The following CAMK2B variants were observed in gnomAD, a reference collection of about 807,000 sequenced individuals.
The protein encoded by CAMK2B is calcium/calmodulin dependent protein kinase II beta.
CAMK2B carries 27 observed loss-of-function variants against 93.7 expected under a neutral mutation model. The ratio of observed to expected loss-of-function variants is 0.29; its 90% CI spans 0.21 to 0.40. CAMK2B has a LOEUF of 0.40. Among genes scored for constraint, CAMK2B ranks in the 10% least tolerant of loss-of-function variants. The probability of loss-of-function intolerance (pLI) is 1.00; values close to 1 mark genes in which losing one functional copy is unlikely to be tolerated. For synonymous variants in CAMK2B, 374 were observed against 358.8 expected (o/e 1.04, Z -0.48); for missense variants, 568 against 895.8 (o/e 0.63, Z 4.67).
At chr7:44,240,636 A>G (rs2096669370) in intron 12 of CAMK2B, 71 bp downstream of exon 12, 2 of 1,535,022 alleles carry the variant, frequency 1.3e-6, no homozygotes, top group Non-Finnish European at 1.8e-6. Context: ...GCTGGTGAGG[A>G]AGGAGGCGCT....
chr7:44,258,538 G>A (rs1481382192), intron 4 of CAMK2B, among the ~76,000 whole-genome samples: 2 of 152,378 alleles, frequency 1.3e-5, no homozygotes, highest in East Asian at 1.9e-4. Context: ...ACCAAGGAAA[G>A]GAAGGTGAAT....
At chr7:44,253,877 T>C (rs1015734338) in intron 5 of CAMK2B, among the ~76,000 whole-genome samples, 2 of 151,660 alleles carry the variant, frequency 1.3e-5, no homozygotes, top group Middle Eastern at 3.2e-3. Context: ...GGATTACAGG[T>C]GTGAGCTACC....
intron 3 of CAMK2B, among the ~76,000 whole-genome samples, chr7:44,262,206 G>C (rs569466890): frequency 1.3e-5 from 2 of 152,330 alleles, no homozygotes; most frequent in East Asian, 3.9e-4. Flanking sequence ...TGTTCCTTTG[G>C]AACAAGCATG....
At chr7:44,325,924 C>A, upstream of CAMK2B, 1 of 151,014 alleles carries the variant, frequency 6.6e-6, no homozygotes, top group South Asian at 2.0e-4. Context: ...CTACCCGCAC[C>A]ACGCCCGCAC....
At chr7:44,234,708 G>A in intron 13 of CAMK2B, 32 bp from the exon 14 acceptor site, 18 of 1,612,518 alleles carry the variant, frequency 1.1e-5, no homozygotes, top group Non-Finnish European at 1.5e-5. Flanking sequence ...GGTATGGTGA[G>A]TGATGGGCCT....
chr7:44,220,398 T>A, intron 22 of CAMK2B, 104 bp from the exon 23 acceptor site: 3 of 961,856 alleles, frequency 3.1e-6, no homozygotes, highest in Non-Finnish European at 4.8e-6. Context: ...ACTCCCCTTA[T>A]TGGGGAGGCT....
At chr7:44,230,962 C>T in intron 17 of CAMK2B, 44 bp downstream of exon 17, 1 of 1,537,538 alleles carries the variant, frequency 6.5e-7, no homozygotes, top group Non-Finnish European at 8.8e-7. Context: ...AGCAACCCAG[C>T]AATGCCAAGG....
rs2096610513 is a variant in CAMK2B at position 44,234,794 on chromosome 7, G to A, written c.1022-118C>T. The A allele has an allele frequency of 5.4e-6, 6 of 1,113,540 alleles. No individual in the cohort carries two copies. The South Asian group carries it at 8.1e-5, about 15-fold the overall frequency. 69.0% of individuals were successfully genotyped at this position (1,113,540 alleles called of 1,614,324 possible). On this transcript the variant is annotated intron_variant, in intron 13 of 23. Transcript: ENST00000395749. ...CCAGGAGCAAGCCCAGGGTCCTGAG[G>A]CAAGTGTGGTTCCAGCACCCAGGCT...
intron 1 of CAMK2B, among the ~76,000 whole-genome samples, chr7:44,293,830 T>C (rs1005408491): frequency 2.6e-5 from 4 of 151,998 alleles, no homozygotes; most frequent in African/African-American, 9.7e-5. Flanking sequence ...GGCCTGAGGG[T>C]TGAGGAACCC....
intron 2 of CAMK2B, among the ~76,000 whole-genome samples, chr7:44,263,617 G>A (rs545448478): frequency 3.3e-5 from 5 of 152,244 alleles, no homozygotes; most frequent in African/African-American, 9.6e-5. Flanking sequence ...CACAAGGTGC[G>A]GGGCCCAGAT....
Position 44,325,384 on chromosome 7 carries a change from T to G in CAMK2B, c.38A>C (p.Glu13Ala), listed in dbSNP as rs1797290449. Residue 13 changes from glutamate to alanine, a missense_variant, in exon 1 of 24, where the codon GAG (glutamate) becomes GCG (alanine). Glu to Ala is a moderately radical substitution (Grantham distance 107, BLOSUM62 -1). Around this residue, in one of 4 missense-constraint regions of CAMK2B, gnomAD observed 39 missense variants for 43.4 expected, o/e 0.90. Coordinates refer to ENST00000395749, the MANE Select transcript of CAMK2B (RefSeq NM_001220.5). Reference protein sequence around the residue: ...TTVTCTRFTDEYQLYEDIGKG... With the variant: ...TTVTCTRFTDAYQLYEDIGKG... The stretch of plus-strand genomic sequence containing the variant: ...GCCAATATCCTCGTAGAGCTGGTAC[T>G]CGTCGGTGAAGCGGGTGCAGGTCAC... 1.6e-6 allele frequency: 2 copies of G among 1,229,932 alleles called. No individual in the cohort carries two copies. Among genetic ancestry groups the G allele is most frequent in the Non-Finnish European group, 2.1e-6 (2 of 957,518 alleles). The allele number at this position is 1,229,932 out of a possible 1,614,324, so 76.2% of individuals were successfully genotyped here.
At chr7:44,240,607 G>A (rs571907587) in intron 12 of CAMK2B, 100 bp downstream of exon 12, 149 of 1,355,840 alleles carry the variant, frequency 1.1e-4, no homozygotes, top group South Asian at 1.6e-4. Flanking sequence ...CAGGCCTGCC[G>A]CAGAGGAGGA....
chr7:44,253,786 G>A (rs1035059301), intron 5 of CAMK2B, among the ~76,000 whole-genome samples: 4 of 151,992 alleles, frequency 2.6e-5, no homozygotes, highest in African/African-American at 9.7e-5. Flanking sequence ...TTGGTAGAGA[G>A]GGGGTCTCAT....
At chr7:44,236,152 G>T (rs1359922805) in intron 13 of CAMK2B, among the ~76,000 whole-genome samples, 1 of 152,184 alleles carries the variant, frequency 6.6e-6, no homozygotes, top group Admixed American at 6.5e-5. Context: ...GAGATCAGGA[G>T]GCTGCACCCC....
intron 2 of CAMK2B, chr7:44,267,116 G>A (rs1192849300): frequency 1.3e-5 from 2 of 152,268 alleles, no homozygotes; most frequent in African/African-American, 4.8e-5. Context: ...GCTGGGGAGT[G>A]AGGACGCAGG....
rs536045873 is a variant in CAMK2B at position 44,218,241 on chromosome 7, A to C, written c.*1284T>G. The stretch of plus-strand genomic sequence containing the variant: ...CCCTTCTGCTCCCGGCCCAGATTCC[A>C]AAGGCACTCCCACTTCAGTAAACCC... On this transcript the variant is annotated 3_prime_UTR_variant, in exon 24 of 24. Transcript: ENST00000395749. The C allele has an allele frequency of 2.0e-5, 3 of 153,076 alleles. No homozygotes were observed. Among genetic ancestry groups the C allele is most frequent in the Admixed American group, 2.0e-4 (3 of 15,314 alleles). The allele number at this position is 153,076 out of a possible 1,614,324, so 9.5% of individuals were successfully genotyped here.
intron 20 of CAMK2B, among the ~76,000 whole-genome samples, chr7:44,223,105 A>G (rs922356451): frequency 4.6e-5 from 7 of 152,190 alleles, no homozygotes; most frequent in African/African-American, 1.7e-4. Flanking sequence ...CGGCATGTGA[A>G]TGTGTGTAGA....
intron 16 of CAMK2B, among the ~76,000 whole-genome samples, chr7:44,232,400 G>A (rs936526665): frequency 1.3e-5 from 2 of 152,208 alleles, no homozygotes; most frequent in Non-Finnish European, 2.9e-5. Context: ...AGAGCAGAGA[G>A]GGGAGCAGAG....
intron 13 of CAMK2B, among the ~76,000 whole-genome samples, chr7:44,235,644 A>C (rs1358101470): frequency 6.6e-6 from 1 of 152,172 alleles, no homozygotes; most frequent in Non-Finnish European, 1.5e-5. Flanking sequence ...CGGGCCCAGG[A>C]CTCACAGGTC....
Sources: gnomAD v4.1 joint callset for allele counts (sites outside exome capture counted in the v4.1 genomes callset) on GRCh38, gnomAD v4.1.1 for gene constraint, gnomAD v4.1.1 regional missense constraint, MANE v1.5 for transcripts, NCBI Gene and HGNC (gene_info 2026-07-23, HGNC 2026-07-21) for gene names.